Variants in METTL21A observed in about 807,000 individuals in gnomAD.
METTL21A encodes protein N-lysine methyltransferase METTL21A.
METTL21A carries 22 observed loss-of-function variants against 20.9 expected under a neutral mutation model. The observed-to-expected ratio is 1.05, with a 90% CI of 0.75 to 1.50. The LOEUF (loss-of-function observed/expected upper bound fraction) is 1.50. Ranked by LOEUF, METTL21A falls within the 40% of genes most tolerant of loss-of-function variation. METTL21A has a pLI of 0.00. For missense variants in METTL21A, 271 were observed against 266.8 expected (o/e 1.02, Z -0.11); for synonymous variants, 93 against 102.0 (o/e 0.91, Z 0.53).
chr2:207,626,032 G>C (rs945651371), upstream of METTL21A: 3 of 152,326 alleles, frequency 2.0e-5, no homozygotes, highest in Non-Finnish European at 2.9e-5. Flanking sequence ...GCGTGCGCTC[G>C]GCTCCAGCCC....
chr2:207,616,898 C>T (rs1254684871), intron 3 of METTL21A, among the ~76,000 whole-genome samples: 1 of 152,152 alleles, frequency 6.6e-6, no homozygotes, highest in African/African-American at 2.4e-5. Flanking sequence ...CCCCACTCAG[C>T]CACAGAGGCA....
downstream of METTL21A, chr2:207,612,664 G>C (rs535739376): frequency 6.2e-6 from 1 of 161,956 alleles, no homozygotes; most frequent in African/African-American, 2.4e-5. Flanking sequence ...TATATCACAA[G>C]GTTTTAAAAA....
chr2:207,603,127 A>G (rs1417479574), intron 3 of METTL21A: 1 of 211,132 alleles, frequency 4.7e-6, no homozygotes. Flanking sequence ...TACATTTCTA[A>G]TAAAATTCCC....
chr2:207,596,170 C>T (rs1193451701), intron 3 of METTL21A, among the ~76,000 whole-genome samples: 1 of 152,130 alleles, frequency 6.6e-6, no homozygotes, highest in Non-Finnish European at 1.5e-5. Context: ...GGCCCAACCT[C>T]ACTCTTTTGC....
chr2:207,582,525 G>C (rs1388904393), intron 3 of METTL21A, among the ~76,000 whole-genome samples: 1 of 151,932 alleles, frequency 6.6e-6, no homozygotes, highest in Admixed American at 6.6e-5. Flanking sequence ...TTGGCTACTG[G>C]GATCTTTTAT....
At chr2:207,581,691 TAG>T (rs2082977388), downstream of METTL21A, 1 of 547,806 alleles carries the variant, frequency 1.8e-6, no homozygotes, top group Non-Finnish European at 3.2e-6. Context: ...TCTCTAATCT[TAG>T]TATATTACAT....
At chr2:207,599,555 A>G (rs1265845601) in intron 3 of METTL21A, 1 of 197,976 alleles carries the variant, frequency 5.1e-6, no homozygotes, top group Non-Finnish European at 1.0e-5. Flanking sequence ...TACCTTGAGG[A>G]TGATTGCACT....
At chr2:207,606,797 G>A (rs1201765561), downstream of METTL21A, among the ~76,000 whole-genome samples, 1 of 152,048 alleles carries the variant, frequency 6.6e-6, no homozygotes, top group African/African-American at 2.4e-5. Flanking sequence ...ATTTTTTAAA[G>A]TACTTTAAAA....
chr2:207,598,536 A>G (rs955854855), intron 3 of METTL21A: 5 of 179,028 alleles, frequency 2.8e-5, no homozygotes, highest in African/African-American at 4.7e-5. Context: ...GGAAACTGAC[A>G]TAATGTTAGG....
chr2:207,585,388 T>C (rs1430388776), intron 3 of METTL21A, among the ~76,000 whole-genome samples: 2 of 151,990 alleles, frequency 1.3e-5, no homozygotes, highest in Admixed American at 6.6e-5. Context: ...TAGAATCAAA[T>C]CCAGAGCACC....
chr2:207,622,495 T>C lies in METTL21A; in HGVS notation c.148-578A>G, dbSNP rs2090614993. ...AACTTTTTACTGTGTCACAGCACTT[T>C]TATGCTTGAAGTTTACACAACTATT... On this transcript the variant is annotated intron_variant, in intron 2 of 3. Transcript: ENST00000406927. Among the ~76,000 whole-genome samples the C allele has an allele frequency of 1.3e-5, 2 of 152,218 alleles. 1 individual carries two copies. The highest frequency in any genetic ancestry group is 1.3e-4 in the Admixed American group (2 of 15,282).
At chr2:207,614,604 A>C (rs971465592) in intron 3 of METTL21A, among the ~76,000 whole-genome samples, 9 of 152,182 alleles carry the variant, frequency 5.9e-5, no homozygotes, top group Non-Finnish European at 5.9e-5. Flanking sequence ...AAATTACTTA[A>C]TTTTATTAAT....
chr2:207,582,424 A>G (rs1437928667), intron 3 of METTL21A, among the ~76,000 whole-genome samples: 1 of 152,158 alleles, frequency 6.6e-6, no homozygotes, highest in Non-Finnish European at 1.5e-5. Context: ...TTTCTTCTCC[A>G]CATTATTTAT....
At chr2:207,618,119 G>C (rs1165004139) in intron 3 of METTL21A, among the ~76,000 whole-genome samples, 1 of 152,166 alleles carries the variant, frequency 6.6e-6, no homozygotes, top group Non-Finnish European at 1.5e-5. Context: ...ATCTTCCTCA[G>C]CATTATATTT....
intron 3 of METTL21A, among the ~76,000 whole-genome samples, chr2:207,620,407 C>T (rs375318054): frequency 6.6e-6 from 1 of 152,092 alleles, no homozygotes; most frequent in East Asian, 1.9e-4. Flanking sequence ...CATGCCACTG[C>T]ACTCCAGCCT....
At chr2:207,585,429 A>G (rs532915996) in intron 3 of METTL21A, among the ~76,000 whole-genome samples, 1 of 152,364 alleles carries the variant, frequency 6.6e-6, no homozygotes, top group African/African-American at 2.4e-5. Flanking sequence ...CTACATCTAC[A>G]GTAAAAGTCT....
chr2:207,620,651 T>A (rs1176002359), intron 3 of METTL21A: 1 of 1,534,738 alleles, frequency 6.5e-7, no homozygotes, highest in African/African-American at 1.4e-5. Flanking sequence ...CTGAAAAGAA[T>A]AAAAGGCAGT....
At chr2:207,591,076 C>A (rs367921077) in intron 3 of METTL21A, among the ~76,000 whole-genome samples, 2 of 152,164 alleles carry the variant, frequency 1.3e-5, no homozygotes, top group South Asian at 4.1e-4. Flanking sequence ...TATTTTTATT[C>A]TCTTAAATTA....
chr2:207,582,077 C>T, exon 4 of METTL21A: 1 of 701,200 alleles, frequency 1.4e-6, no homozygotes, highest in Non-Finnish European at 2.6e-6. Context: ...GGTTAAAGTG[C>T]TGTCCAGGTG....
Sources: allele counts gnomAD v4.1 joint callset (sites outside exome capture counted in the v4.1 genomes callset), GRCh38; gene constraint gnomAD v4.1.1; transcripts MANE v1.5; gene names NCBI Gene and HGNC (gene_info 2026-07-23, HGNC 2026-07-21).